The following SYTL5 variants were observed in gnomAD, a reference collection of about 807,000 sequenced individuals.
SYTL5 encodes the protein synaptotagmin-like protein 5.
SYTL5 carries 34 observed loss-of-function variants against 55.9 expected under a neutral mutation model. The observed-to-expected ratio is 0.61, with a 90% CI of 0.46 to 0.81. The LOEUF is 0.81. SYTL5 is among the 30% of genes least tolerant of loss of function. SYTL5 has a pLI of 0.00. For synonymous variants in SYTL5, 221 were observed against 188.7 expected (o/e 1.17, Z -1.40); for missense variants, 637 against 546.7 (o/e 1.17, Z -1.65).
the SYTL5 span, among the ~76,000 whole-genome samples, chrX:37,962,381 A>G: frequency 3.9e-4 from 43 of 111,349 alleles, no homozygotes; most frequent in African/African-American, 1.4e-3. Context: ...AACTTCATCC[A>G]TGTCCCTACA....
At chrX:37,946,638 G>C in the SYTL5 span, 1 of 130,888 alleles carries the variant, frequency 7.6e-6, no homozygotes. Context: ...CTGGTTCTCA[G>C]CATCATGATT....
chrX:37,927,560 G>T, the SYTL5 span, among the ~76,000 whole-genome samples: 1 of 110,299 alleles, frequency 9.1e-6, no homozygotes, highest in African/African-American at 3.3e-5. Context: ...CGGATCACAA[G>T]GTCAGGAGAT....
chrX:37,980,373 A>G, the SYTL5 span, among the ~76,000 whole-genome samples: 9 of 111,812 alleles, frequency 8.0e-5, no homozygotes, highest in African/African-American at 2.9e-4. Context: ...TATTGCCCCA[A>G]TAATGCTGCG....
chrX:38,048,732 T>G (rs1271018365), intron 2 of SYTL5, among the ~76,000 whole-genome samples: 2 of 110,404 alleles, frequency 1.8e-5, no homozygotes, highest in African/African-American at 6.6e-5. Flanking sequence ...ACCCACCAAA[T>G]GATTATCTCC....
chrX:38,023,577 A>G (rs779831286), intron 1 of SYTL5, among the ~76,000 whole-genome samples: 1 of 111,751 alleles, frequency 8.9e-6, no homozygotes, highest in Non-Finnish European at 1.9e-5. Flanking sequence ...ATTAAAAAGC[A>G]TAATTATCTT....
At chrX:38,007,237 A>C (rs1428278151) in intron 1 of SYTL5, among the ~76,000 whole-genome samples, 1 of 111,836 alleles carries the variant, frequency 8.9e-6, no homozygotes. Context: ...AGGATTAATA[A>C]AGTCTGAAAA....
Position 38,071,361 on chromosome X carries a change from A to G in SYTL5, c.330-686A>G, listed in dbSNP as rs181525908. On this transcript the variant is annotated intron_variant, in intron 3 of 16. Coordinates refer to ENST00000297875, the MANE Select transcript of SYTL5 (RefSeq NM_138780.3). ...CCTTCTTTCCCATCTTTAACATTGA[A>G]CTTATTACCAAATCCAGGCAAGCAC... Among the ~76,000 whole-genome samples, 5 of 111,272 alleles carry G rather than the reference A, an allele frequency of 4.5e-5. No homozygotes were observed. In the East Asian group the frequency reaches 1.4e-3, roughly 32 times the overall value.
At chrX:38,120,065 A>G (rs1488345603) in intron 13 of SYTL5, among the ~76,000 whole-genome samples, 4 of 112,316 alleles carry the variant, frequency 3.6e-5, no homozygotes, top group African/African-American at 1.3e-4. Flanking sequence ...CCAGTCATCA[A>G]TGCATCACAG....
chrX:37,912,045 T>C, the SYTL5 span, among the ~76,000 whole-genome samples: 1 of 112,407 alleles, frequency 8.9e-6, no homozygotes, highest in Non-Finnish European at 1.9e-5. Flanking sequence ...CTGGGCCTAT[T>C]ATCTAAAGAA....
intron 2 of SYTL5, among the ~76,000 whole-genome samples, chrX:38,034,376 G>A (rs1349197129): frequency 1.8e-5 from 2 of 112,106 alleles, no homozygotes; most frequent in African/African-American, 3.2e-5. Flanking sequence ...GTAAAACAAA[G>A]ATAATAACAG....
intron 6 of SYTL5, among the ~76,000 whole-genome samples, chrX:38,082,829 G>A (rs1936567306): frequency 1.8e-5 from 2 of 111,960 alleles, no homozygotes; most frequent in Non-Finnish European, 3.8e-5. Flanking sequence ...AAAGTAGACT[G>A]TGTGCTGAAA....
the SYTL5 span, among the ~76,000 whole-genome samples, chrX:37,928,250 G>T: frequency 2.7e-5 from 3 of 111,593 alleles, no homozygotes; most frequent in East Asian, 2.8e-4. Flanking sequence ...TAAGAAAATG[G>T]TTACAAAATA....
At chrX:38,012,194 G>A (rs752932164) in intron 1 of SYTL5, among the ~76,000 whole-genome samples, 1 of 112,068 alleles carries the variant, frequency 8.9e-6, no homozygotes, top group African/African-American at 3.2e-5. Flanking sequence ...ATAAGAACAC[G>A]TCTGGTTCAT....
intron 10 of SYTL5, chrX:38,102,946 G>A: frequency 2.8e-6 from 2 of 715,238 alleles, no homozygotes; most frequent in Non-Finnish European, 4.2e-6. Flanking sequence ...CTAACTGTGT[G>A]TAAGTCTTTT....
intron 13 of SYTL5, among the ~76,000 whole-genome samples, chrX:38,117,837 G>A (rs142432502): frequency 3.6e-5 from 4 of 111,548 alleles, no homozygotes; most frequent in African/African-American, 1.3e-4. Flanking sequence ...GGAAGCATTC[G>A]GAAATATCCA....
At chrX:38,065,833 CT>C (rs1179864749) in intron 3 of SYTL5, among the ~76,000 whole-genome samples, 3 of 111,911 alleles carry the variant, frequency 2.7e-5, no homozygotes, top group Non-Finnish European at 5.6e-5. Context: ...GGCGTGGTGG[CT>C]CACACCTGTA....
chrX:38,109,913 G>A (rs761563167), intron 12 of SYTL5, among the ~76,000 whole-genome samples: 1 of 111,179 alleles, frequency 9.0e-6, no homozygotes, highest in South Asian at 3.8e-4. Context: ...CTGGATTTGG[G>A]GATTCTCATT....
chrX:37,936,654 G>C, the SYTL5 span, among the ~76,000 whole-genome samples: 1 of 111,684 alleles, frequency 9.0e-6, no homozygotes, highest in Admixed American at 9.5e-5. Flanking sequence ...GGAAGCTGAG[G>C]CTTCCTTCAT....
At chrX:37,902,990 C>T in the SYTL5 span, among the ~76,000 whole-genome samples, 2 of 111,993 alleles carry the variant, frequency 1.8e-5, no homozygotes, top group Non-Finnish European at 3.8e-5. Flanking sequence ...CAAATCAAAA[C>T]CACAATGATA....
Sources: allele counts gnomAD v4.1 joint callset (sites outside exome capture counted in the v4.1 genomes callset), GRCh38; gene constraint gnomAD v4.1.1; transcripts MANE v1.5; gene names NCBI Gene and HGNC (gene_info 2026-07-23, HGNC 2026-07-21).